ANKRD17: variants seen among roughly 807,000 people sequenced by gnomAD.
ANKRD17 encodes the protein ankyrin repeat domain-containing protein 17.
ANKRD17 carries 19 observed loss-of-function variants against 229.7 expected under a neutral mutation model. The ratio of observed to expected loss-of-function variants is 0.08; its 90% CI spans 0.06 to 0.12. ANKRD17 has a LOEUF of 0.12. Ranked by LOEUF, ANKRD17 falls within the 10% of genes least tolerant of loss-of-function variation. ANKRD17 has a pLI of 1.00. For missense variants in ANKRD17, 2,176 were observed against 3,176.8 expected (o/e 0.68, Z 7.57); for synonymous variants, 1,112 against 1,146.1 (o/e 0.97, Z 0.60).
chr4:73,132,324 G>C (rs1478443344), intron 16 of ANKRD17, among the ~76,000 whole-genome samples: 2 of 152,008 alleles, frequency 1.3e-5, no homozygotes, highest in African/African-American at 4.8e-5. Context: ...GGCCAGGCTG[G>C]TCTCGAACTC....
At chr4:73,242,737 T>A (rs1020316565) in intron 1 of ANKRD17, among the ~76,000 whole-genome samples, 1 of 152,186 alleles carries the variant, frequency 6.6e-6, no homozygotes, top group Non-Finnish European at 1.5e-5. Context: ...ATTCAATGAC[T>A]TGTGGCTTAT....
Position 73,091,774 on chromosome 4 carries a change from G to T in ANKRD17, c.5854C>A (p.Gln1952Lys). The change falls in exon 29 of 34, where the codon CAG (glutamine) becomes AAG (lysine). Residue 1952 changes from glutamine to lysine, a missense_variant. Physicochemically the swap from Gln to Lys is moderately conservative, Grantham distance 53. Transcript: ENST00000358602. ...KPHMVPRHSN[Q>K]NSSGSQVNSA... Reference sequence around the variant, plus strand: ...TTCACCTGAGAACCACTGCTATTCTGATTGCTATGGCGAGGCACCATGTGA... The same window carrying T: ...TTCACCTGAGAACCACTGCTATTCTTATTGCTATGGCGAGGCACCATGTGA... 1 of 1,614,194 alleles carries T rather than the reference G, an allele frequency of 6.2e-7. No homozygotes were observed. Among genetic ancestry groups the T allele is most frequent in the South Asian group, 1.1e-5 (1 of 91,084 alleles).
rs779391484 is a variant in ANKRD17, at chr4:73,078,629, C to G, written c.7408+13G>C. On this transcript the variant is annotated intron_variant, in intron 31 of 33. Transcript: ENST00000358602. ...TTAAGTTAATTTCTAGAGAGCAGGA[C>G]AGAATATCCTACCTTGATTGCCACC... is the stretch of plus-strand genomic sequence containing the variant. The G allele has an allele frequency of 3.7e-6, 6 of 1,612,080 alleles. No individual in the cohort carries two copies. The Admixed American group carries it at 1.0e-4, about 27-fold the overall frequency.
At chr4:73,197,997 T>C (rs1003136534) in intron 1 of ANKRD17, among the ~76,000 whole-genome samples, 24 of 152,236 alleles carry the variant, frequency 1.6e-4, no homozygotes, top group African/African-American at 5.5e-4. Context: ...AGGAAAACTA[T>C]GTATAAATGA....
intron 1 of ANKRD17, among the ~76,000 whole-genome samples, chr4:73,211,575 G>A (rs1236905286): frequency 1.3e-5 from 2 of 152,134 alleles, no homozygotes; most frequent in East Asian, 3.8e-4. Context: ...GGCCAGGTGT[G>A]GTGGCTCATG....
At chr4:73,223,337 T>A (rs148146334) in intron 1 of ANKRD17, among the ~76,000 whole-genome samples, 2 of 152,248 alleles carry the variant, frequency 1.3e-5, no homozygotes, top group Admixed American at 6.5e-5. Context: ...ACATATTTTT[T>A]AAAAAGCTAT....
chr4:73,165,287 C>T (rs1466223436), intron 2 of ANKRD17, among the ~76,000 whole-genome samples: 1 of 152,110 alleles, frequency 6.6e-6, no homozygotes, highest in African/African-American at 2.4e-5. Flanking sequence ...GAGGAGTAAT[C>T]AGACACAAGT....
chr4:73,255,884 C>G (rs763702602), intron 1 of ANKRD17, among the ~76,000 whole-genome samples: 1 of 152,094 alleles, frequency 6.6e-6, no homozygotes, highest in African/African-American at 2.4e-5. Context: ...CCACCACACT[C>G]GGCTAATTTT....
rs903275890 is a variant in ANKRD17 at position 73,155,936 on chromosome 4, G to A, written c.852+83C>T. On this transcript the variant is annotated intron_variant, in intron 4 of 33. Transcript: ENST00000358602. ...TTTGTTGAAATAATCCTAATGGTTG[G>A]AAGGATTTATTTTATTATTTCCTTA... 4 of 1,502,220 alleles carry A rather than the reference G, an allele frequency of 2.7e-6. No homozygotes were observed. The African/African-American group carries it at 4.2e-5, about 16-fold the overall frequency. The allele number at this position is 1,502,220 out of a possible 1,614,324, so 93.1% of individuals were successfully genotyped here. A position where few individuals can be genotyped will look rare whatever the true frequency, so the allele number is the denominator to read the frequency against.
intron 1 of ANKRD17, among the ~76,000 whole-genome samples, chr4:73,212,884 C>T (rs1245159559): frequency 6.6e-6 from 1 of 150,968 alleles, no homozygotes; most frequent in African/African-American, 2.4e-5. Flanking sequence ...AAAATTAGCG[C>T]AGAGTGGTGG....
rs756333377 is a variant in ANKRD17, at chr4:73,149,060, A to G, written c.1330-10T>C. On this transcript the variant is annotated splice_polypyrimidine_tract_variant and intron_variant, in intron 7 of 33. Coordinates refer to ENST00000358602, the MANE Select transcript of ANKRD17 (RefSeq NM_032217.5). Reference sequence around the variant, plus strand: ...CTTCAACATGGCCATCCTAATGATAATACAATTTAAAAAATTAAATCAGCA... The same window carrying G: ...CTTCAACATGGCCATCCTAATGATAGTACAATTTAAAAAATTAAATCAGCA... The G allele has an allele frequency of 1.9e-6, 3 of 1,602,090 alleles. No individual in the cohort carries two copies. Among genetic ancestry groups the G allele is most frequent in the Non-Finnish European group, 2.6e-6 (3 of 1,172,324 alleles).
chr4:73,200,603 A>C (rs1478858848), intron 1 of ANKRD17, among the ~76,000 whole-genome samples: 1 of 152,168 alleles, frequency 6.6e-6, no homozygotes, highest in Non-Finnish European at 1.5e-5. Flanking sequence ...CTCCATTATG[A>C]AAGTAGTTTA....
chr4:73,076,615 C>T (rs1460175622), intron 33 of ANKRD17, among the ~76,000 whole-genome samples: 1 of 152,070 alleles, frequency 6.6e-6, no homozygotes, highest in Admixed American at 6.5e-5. Flanking sequence ...TTTATAGTAC[C>T]TTTAATAAAT....
intron 1 of ANKRD17, among the ~76,000 whole-genome samples, chr4:73,221,704 T>C (rs1386292103): frequency 1.3e-5 from 2 of 151,972 alleles, no homozygotes; most frequent in South Asian, 2.1e-4. Flanking sequence ...AACTCACTAA[T>C]AGAAACAAAG....
At chr4:73,235,028 C>T (rs1031774765) in intron 1 of ANKRD17, among the ~76,000 whole-genome samples, 1 of 152,132 alleles carries the variant, frequency 6.6e-6, no homozygotes, top group Admixed American at 6.5e-5. Context: ...GCTGTCAATC[C>T]GATTCCATGA....
rs578008415 is a variant in ANKRD17 at position 73,249,723 on chromosome 4, G to A, written c.393+8553C>T. Among the ~76,000 whole-genome samples the A allele has an allele frequency of 1.7e-3, 252 of 152,306 alleles. 1 individual carries two copies. Among genetic ancestry groups the A allele is most frequent in the Non-Finnish European group, 3.1e-3 (208 of 68,022 alleles). On this transcript the variant is annotated intron_variant, in intron 1 of 33. Coordinates refer to ENST00000358602, the MANE Select transcript of ANKRD17 (RefSeq NM_032217.5). The stretch of plus-strand genomic sequence containing the variant: ...ACAAAAATTAGCCGGGCGTGGTGGC[G>A]CCGGCGCCTGTAGCCCCAGCTACCT...
chr4:73,247,260 A>C (rs1441109705), intron 1 of ANKRD17, among the ~76,000 whole-genome samples: 1 of 152,054 alleles, frequency 6.6e-6, no homozygotes, highest in African/African-American at 2.4e-5. Flanking sequence ...AAACTAAGTA[A>C]ATTAACCACA....
intron 1 of ANKRD17, among the ~76,000 whole-genome samples, chr4:73,248,675 T>C (rs1257608462): frequency 6.6e-6 from 1 of 151,976 alleles, no homozygotes; most frequent in East Asian, 1.9e-4. Flanking sequence ...TTGTGCTAAG[T>C]TTCAATGTAT....
Position 73,091,231 on chromosome 4 carries a change from C to T in ANKRD17, c.6397G>A (p.Val2133Ile). The change falls in exon 29 of 34, where the codon GTT (valine) becomes ATT (isoleucine). Residue 2133 changes from valine (V) to isoleucine (I), a missense_variant. This residue lies in a region of ANKRD17 where 424 missense variants were observed against 454.0 expected (regional missense o/e 0.93). Transcript: ENST00000358602. ...LQQSQVPPPE[V>I]RMTVPPLATS... is the part of the protein sequence containing the mutation. The stretch of plus-strand genomic sequence containing the variant: ...GCTAAAGGAGGAACAGTCATTCTAA[C>T]TTCCGGGGGAGGAACCTGAGACTGC... 6.2e-7 allele frequency: 1 copy of T among 1,614,222 alleles called. No homozygotes were observed. Among genetic ancestry groups the T allele is most frequent in the African/African-American group, 1.3e-5 (1 of 75,040 alleles).
Sources: allele counts gnomAD v4.1 joint callset (sites outside exome capture counted in the v4.1 genomes callset), GRCh38; gene constraint gnomAD v4.1.1; regional missense constraint gnomAD v4.1.1; transcripts MANE v1.5; gene names NCBI Gene and HGNC (gene_info 2026-07-23, HGNC 2026-07-21).